Variants in RAP1B observed in about 807,000 individuals in gnomAD.
RAP1B encodes ras-related protein Rap-1b.
RAP1B carries 1 observed loss-of-function variant against 27.5 expected under a neutral mutation model. The observed-to-expected ratio is 0.04, with a 90% CI of 0.01 to 0.17. The LOEUF is 0.17. Ranked by LOEUF, RAP1B falls within the 10% of genes least tolerant of loss-of-function variation. The pLI is 1.00. For missense variants in RAP1B, 84 were observed against 214.8 expected, an observed-to-expected ratio of 0.39 and a Z score of 3.81; for synonymous variants, 75 against 73.1, an observed-to-expected ratio of 1.03 and a Z score of -0.13.
At chr12:68,644,754 T>C (rs961006044) in intron 1 of RAP1B, among the ~76,000 whole-genome samples, 1 of 143,302 alleles carries the variant, frequency 7.0e-6, no homozygotes, top group Non-Finnish European at 1.5e-5. Flanking sequence ...AGTGGTGCGA[T>C]CTGGGCTCAC....
In RAP1B at chr12:68,665,659, T is replaced by C. The variant is rs2135981005; in HGVS notation, c.*6410T>C. On this transcript the variant is annotated 3_prime_UTR_variant, in exon 8 of 8. Transcript: ENST00000250559. The stretch of plus-strand genomic sequence containing the variant: ...ATGCTATAGACCAGCAGTAATTTTG[T>C]GCTCTAAAATGCTTATTTTTATCTC... The C allele has an allele frequency of 6.6e-6, 1 of 152,310 alleles. No homozygotes were observed. The highest frequency in any genetic ancestry group is 2.4e-5 in the African/African-American group (1 of 41,564). The allele number at this position is 152,310 out of a possible 1,614,324, so 9.4% of individuals were successfully genotyped here. A position where few individuals can be genotyped will look rare whatever the true frequency, so the allele number is the denominator to read the frequency against.
intron 1 of RAP1B, among the ~76,000 whole-genome samples, chr12:68,635,606 C>A (rs1052906984): frequency 1.6e-4 from 24 of 152,150 alleles, no homozygotes; most frequent in Admixed American, 1.6e-3. Flanking sequence ...CAGGCGCCCG[C>A]CACCTCACCC....
rs377235146 is a variant in RAP1B, at chr12:68,666,531, G to A, written c.*7282G>A. The A allele has an allele frequency of 2.1e-4, 32 of 152,154 alleles. No homozygotes were observed. The highest frequency in any genetic ancestry group is 7.5e-4 in the African/African-American group (31 of 41,412). The allele number at this position is 152,154 out of a possible 1,614,324, so 9.4% of individuals were successfully genotyped here. A position where few individuals can be genotyped will look rare whatever the true frequency, so the allele number is the denominator to read the frequency against. On this transcript the variant is annotated 3_prime_UTR_variant, in exon 8 of 8. Coordinates refer to ENST00000250559, the MANE Select transcript of RAP1B (RefSeq NM_001010942.3). The stretch of plus-strand genomic sequence containing the variant: ...CATGGCATTATGCCACATCACATGT[G>A]CCTCTATCTTTGTATCTCCTCCTCT...
In RAP1B at chr12:68,666,324, A is replaced by T. The variant is rs1458792017; in HGVS notation, c.*7075A>T. On this transcript the variant is annotated 3_prime_UTR_variant, in exon 8 of 8. Transcript: ENST00000250559. ...TGTTGATCTATTTCTATTGTTTTCT[A>T]AAAAAAAGTTAGTGTCCTAGTTTAA... The T allele has an allele frequency of 1.3e-5, 2 of 152,058 alleles. No homozygotes were observed. The highest frequency in any genetic ancestry group is 2.1e-4 in the South Asian group (1 of 4,824). 9.4% of individuals were successfully genotyped at this position (152,058 alleles called of 1,614,324 possible).
At chr12:68,649,682 G>C (rs954311666) in intron 2 of RAP1B, 5 of 152,194 alleles carry the variant, frequency 3.3e-5, no homozygotes, top group African/African-American at 1.2e-4. Flanking sequence ...GGAACAAACT[G>C]AGAAGTACAT....
chr12:68,656,700 A>G, intron 6 of RAP1B: 2 of 558,766 alleles, frequency 3.6e-6, no homozygotes, highest in African/African-American at 1.9e-5. Context: ...TGGATAGGGA[A>G]GACAGATTAA....
chr12:68,642,888 C>T lies in RAP1B; in HGVS notation c.-26-5811C>T, dbSNP rs1041103138. On this transcript the variant is annotated intron_variant, in intron 1 of 7. Transcript: ENST00000250559. ...GCAGCCAACCTGGAGGTGAGGGTCT[C>T]ATTCCAGGATTTCAGGAAACTAGCA... is the stretch of plus-strand genomic sequence containing the variant. 23 of 971,240 alleles carry T rather than the reference C, an allele frequency of 2.4e-5. No homozygotes were observed. The Admixed American group carries it at 3.2e-4, about 14-fold the overall frequency. The allele number at this position is 971,240 out of a possible 1,614,324, so 60.2% of individuals were successfully genotyped here.
chr12:68,656,743 AAT>A (rs1262394410), intron 6 of RAP1B: 5 of 528,958 alleles, frequency 9.5e-6, no homozygotes, highest in African/African-American at 5.9e-5. Flanking sequence ...TTATATGAAA[AAT>A]AGAGTAAAAT....
chr12:68,632,151 T>G (rs573316451), intron 1 of RAP1B, among the ~76,000 whole-genome samples: 3,289 of 110,538 alleles, frequency 0.03, 165 homozygotes, highest in African/African-American at 0.12. Context: ...TTTTTGTTTG[T>G]TTTTTTTTTC....
chr12:68,616,877 A>G (rs1391658120), intron 1 of RAP1B, among the ~76,000 whole-genome samples: 1 of 152,122 alleles, frequency 6.6e-6, no homozygotes, highest in Non-Finnish European at 1.5e-5. Flanking sequence ...GCATTTCACT[A>G]AGTAACTTTA....
Position 68,664,874 on chromosome 12 carries a change from A to G in RAP1B, c.*5625A>G. The G allele has an allele frequency of 6.6e-6, 1 of 152,230 alleles. No individual in the cohort carries two copies. The highest frequency in any genetic ancestry group is 1.9e-4 in the East Asian group (1 of 5,202). 9.4% of individuals were successfully genotyped at this position (152,230 alleles called of 1,614,324 possible). On this transcript the variant is annotated 3_prime_UTR_variant, in exon 8 of 8. Coordinates refer to ENST00000250559, the MANE Select transcript of RAP1B (RefSeq NM_001010942.3). ...CAAGTGACTCATAATAAAAATTGTTATTTTGTAAAATATATGGACTGTTTG... is the reference window on the plus strand; with the variant it reads ...CAAGTGACTCATAATAAAAATTGTTGTTTTGTAAAATATATGGACTGTTTG...
intron 1 of RAP1B, among the ~76,000 whole-genome samples, chr12:68,646,813 A>G (rs1260465978): frequency 6.6e-6 from 1 of 152,216 alleles, no homozygotes; most frequent in African/African-American, 2.4e-5. Context: ...AAGTAGCCTC[A>G]TCTGTGGGCT....
At chr12:68,619,184 C>T (rs1399715004) in intron 1 of RAP1B, among the ~76,000 whole-genome samples, 1 of 152,192 alleles carries the variant, frequency 6.6e-6, no homozygotes, top group Non-Finnish European at 1.5e-5. Context: ...GAGTCACACG[C>T]TGAATCAATC....
At chr12:68,627,939 A>G (rs1258913534) in intron 1 of RAP1B, among the ~76,000 whole-genome samples, 3 of 152,020 alleles carry the variant, frequency 2.0e-5, no homozygotes, top group African/African-American at 7.2e-5. Flanking sequence ...TGTATCTGCA[A>G]AAAATTTAAA....
chr12:68,658,294 A>C (rs534991808), intron 7 of RAP1B, among the ~76,000 whole-genome samples: 47 of 152,246 alleles, frequency 3.1e-4, no homozygotes, highest in African/African-American at 9.6e-4. Flanking sequence ...ATATCCTATA[A>C]TTCCTGACCA....
At chr12:68,656,628 C>A in intron 6 of RAP1B, 179 bp downstream of exon 6, 1 of 635,108 alleles carries the variant, frequency 1.6e-6, no homozygotes, top group South Asian at 2.0e-5. Flanking sequence ...CTATTTCAGT[C>A]TCTATTAAAT....
At chr12:68,626,080 C>T (rs938093868) in intron 1 of RAP1B, among the ~76,000 whole-genome samples, 8 of 152,104 alleles carry the variant, frequency 5.3e-5, no homozygotes, top group East Asian at 1.9e-4. Flanking sequence ...TTTCTATATT[C>T]GGCCTTGTGT....
chr12:68,663,602 T>C lies in RAP1B; in HGVS notation c.*4353T>C, dbSNP rs946162154. 6 of 152,342 alleles carry C rather than the reference T, an allele frequency of 3.9e-5. No homozygotes were observed. Among genetic ancestry groups the C allele is most frequent in the African/African-American group, 1.2e-4 (5 of 41,590 alleles). The allele number at this position is 152,342 out of a possible 1,614,324, so 9.4% of individuals were successfully genotyped here. ...TTGCTAAATAGGTCTGTATTCTAAA[T>C]GCTGCCATTTTTTAAAAAAAGTATT... is the stretch of plus-strand genomic sequence containing the variant. On this transcript the variant is annotated 3_prime_UTR_variant, in exon 8 of 8. Coordinates refer to ENST00000250559, the MANE Select transcript of RAP1B (RefSeq NM_001010942.3).
chr12:68,631,662 T>C (rs1872246518), intron 1 of RAP1B, among the ~76,000 whole-genome samples: 1 of 152,202 alleles, frequency 6.6e-6, no homozygotes, highest in South Asian at 2.1e-4. Context: ...TTGCTCTCAC[T>C]TTTCTTATCC....
Sources: allele counts gnomAD v4.1 joint callset (sites outside exome capture counted in the v4.1 genomes callset), GRCh38; gene constraint gnomAD v4.1.1; transcripts MANE v1.5; gene names NCBI Gene and HGNC (gene_info 2026-07-23, HGNC 2026-07-21).